The following FAM163A variants were observed in gnomAD, a reference collection of about 807,000 sequenced individuals.
FAM163A encodes protein FAM163A.
A neutral mutation model predicts 12.0 loss-of-function variants in FAM163A; 7 were observed. The ratio of observed to expected loss-of-function variants is 0.58; its 90% CI spans 0.33 to 1.10. The LOEUF is 1.10. FAM163A is among the 50% of genes least tolerant of loss of function. FAM163A has a pLI of 0.03. For synonymous variants in FAM163A, 101 were observed against 91.0 expected (o/e 1.11, Z -0.62); for missense variants, 202 against 218.6 (o/e 0.92, Z 0.48).
At chr1:179,752,572 A>C (rs903136437) in intron 1 of FAM163A, among the ~76,000 whole-genome samples, 11 of 152,184 alleles carry the variant, frequency 7.2e-5, no homozygotes, top group African/African-American at 2.4e-4. Flanking sequence ...GTTAATTTCC[A>C]AAATATATAA....
At position 179,816,077 on chromosome 1, in the gene FAM163A, G is replaced by C. The variant is rs1215253372; in HGVS notation, c.*1888G>C. 1 of 152,222 alleles carries C rather than the reference G, an allele frequency of 6.6e-6. No homozygotes were observed. Among genetic ancestry groups the C allele is most frequent in the Non-Finnish European group, 1.5e-5 (1 of 68,068 alleles). The allele number at this position is 152,222 out of a possible 1,614,324, so 9.4% of individuals were successfully genotyped here. ...TCCGAAAAAGATCTGCCGGCCCAGAGCACTCCCTCTTGCCCTAATCCTGGC... is the reference window on the plus strand; with the variant it reads ...TCCGAAAAAGATCTGCCGGCCCAGACCACTCCCTCTTGCCCTAATCCTGGC... On this transcript the variant is annotated 3_prime_UTR_variant, in exon 5 of 5. Coordinates refer to ENST00000341785, the MANE Select transcript of FAM163A (RefSeq NM_173509.3).
the FAM163A span, among the ~76,000 whole-genome samples, chr1:179,728,486 C>A: frequency 2.6e-5 from 4 of 152,192 alleles, 1 homozygote; most frequent in Middle Eastern, 0.01. Flanking sequence ...AGTAAGTGAT[C>A]TTTCTCCTTT....
chr1:179,734,411 C>CTT, the FAM163A span, among the ~76,000 whole-genome samples: 1 of 152,004 alleles, frequency 6.6e-6, no homozygotes, highest in African/African-American at 2.4e-5. Flanking sequence ...ACGAATACTC[C>CTT]TTTTTTTTAT....
chr1:179,756,773 A>G (rs888482260), intron 1 of FAM163A, among the ~76,000 whole-genome samples: 1 of 152,136 alleles, frequency 6.6e-6, no homozygotes. Context: ...CAGGGAGGGA[A>G]CAGGAAGTAA....
At chr1:179,773,348 C>T (rs562651385) in intron 1 of FAM163A, among the ~76,000 whole-genome samples, 1 of 152,078 alleles carries the variant, frequency 6.6e-6, no homozygotes, top group Admixed American at 6.5e-5. Context: ...TACACATGCA[C>T]AGATAAGCGT....
chr1:179,803,456 C>T (rs1248616467), intron 1 of FAM163A, among the ~76,000 whole-genome samples: 3 of 152,196 alleles, frequency 2.0e-5, no homozygotes, highest in Non-Finnish European at 4.4e-5. Flanking sequence ...CAGCAGAGAC[C>T]CCTGGTATCG....
At chr1:179,806,693 G>T (rs1031573086) in intron 1 of FAM163A, among the ~76,000 whole-genome samples, 14 of 152,326 alleles carry the variant, frequency 9.2e-5, no homozygotes, top group South Asian at 2.1e-4. Flanking sequence ...ACCCAGGGGG[G>T]GCCTTTCCTC....
intron 1 of FAM163A, among the ~76,000 whole-genome samples, chr1:179,782,375 GGGGACCAGAAGGGCCGGTCGGCA>G (rs776673549): frequency 5.3e-5 from 8 of 152,052 alleles, no homozygotes; most frequent in Non-Finnish European, 8.8e-5. Context: ...AAGGGGAGAA[GGGGACCAGAAGGGCCGGTCGGCA>G]GGGACACAGT....
At chr1:179,738,931 T>C (rs1232119630), upstream of FAM163A, among the ~76,000 whole-genome samples, 1 of 152,194 alleles carries the variant, frequency 6.6e-6, no homozygotes, top group African/African-American at 2.4e-5. Flanking sequence ...TTATATAGCT[T>C]CAGTAATCAA....
chr1:179,783,356 G>A (rs1690075485), intron 1 of FAM163A, among the ~76,000 whole-genome samples: 1 of 152,152 alleles, frequency 6.6e-6, no homozygotes, highest in Admixed American at 6.5e-5. Flanking sequence ...ATGACCTTAT[G>A]TTGATAACAT....
chr1:179,799,250 A>T (rs1274373269), intron 1 of FAM163A, among the ~76,000 whole-genome samples: 1 of 152,236 alleles, frequency 6.6e-6, no homozygotes, highest in Non-Finnish European at 1.5e-5. Context: ...CACCCTCTAA[A>T]CAATCAAGGA....
At chr1:179,772,400 G>T (rs78102854) in intron 1 of FAM163A, among the ~76,000 whole-genome samples, 3,443 of 152,230 alleles carry the variant, frequency 0.023, 139 homozygotes, top group African/African-American at 0.079. Flanking sequence ...TATGTCTCCA[G>T]ACCATTGTCT....
intron 1 of FAM163A, among the ~76,000 whole-genome samples, chr1:179,781,556 C>G (rs1346283225): frequency 6.6e-6 from 1 of 152,004 alleles, no homozygotes; most frequent in African/African-American, 2.4e-5. Context: ...GGCAAGTGTA[C>G]CTTTACTTGG....
intron 1 of FAM163A, among the ~76,000 whole-genome samples, chr1:179,762,335 G>A (rs1686934680): frequency 6.6e-6 from 1 of 152,068 alleles, no homozygotes; most frequent in Admixed American, 6.5e-5. Context: ...TTTTTCCAGG[G>A]CTGCAGAGAA....
At chr1:179,795,392 T>A (rs983333585) in intron 1 of FAM163A, among the ~76,000 whole-genome samples, 5 of 152,238 alleles carry the variant, frequency 3.3e-5, no homozygotes, top group Non-Finnish European at 7.3e-5. Context: ...AGGTAGGGTC[T>A]TTAAGAGGCC....
At position 179,813,928 on chromosome 1, in the gene FAM163A, C is replaced by T. The variant is rs752009207; in HGVS notation, c.243C>T (p.Ser81=). 1.1e-5 allele frequency: 18 copies of T among 1,613,662 alleles called. No homozygotes were observed. Among genetic ancestry groups the T allele is most frequent in the Non-Finnish European group, 1.4e-5 (16 of 1,180,016 alleles). Residue 81 remains serine, a synonymous_variant, in exon 5 of 5, where the codon AGC becomes AGT. Coordinates refer to ENST00000341785, the MANE Select transcript of FAM163A (RefSeq NM_173509.3). ...GAGGCAGCCTGGCGCCTCTCACCAG[C>T]GAGCCCTGCAGCCAGCCCTGTGGGG... The part of the protein sequence containing the change: ...DGRGSLAPLT[S]EPCSQPCGVA...
the FAM163A span, among the ~76,000 whole-genome samples, chr1:179,732,911 G>A: frequency 1.7e-5 from 2 of 119,392 alleles, no homozygotes; most frequent in African/African-American, 6.3e-5. Context: ...AAAAAAGATT[G>A]TTTACATGAT....
intron 1 of FAM163A, among the ~76,000 whole-genome samples, chr1:179,797,013 G>T (rs543626129): frequency 6.6e-6 from 1 of 152,322 alleles, no homozygotes; most frequent in East Asian, 1.9e-4. Flanking sequence ...CTCCACTTCT[G>T]GGGAAGAGTG....
chr1:179,784,054 C>T (rs1233704795), intron 1 of FAM163A, among the ~76,000 whole-genome samples: 3 of 152,024 alleles, frequency 2.0e-5, no homozygotes, highest in South Asian at 2.1e-4. Flanking sequence ...CCTCTGAGGC[C>T]ATCAAGAGTC....
Sources: gnomAD v4.1 joint callset for allele counts (sites outside exome capture counted in the v4.1 genomes callset) on GRCh38, gnomAD v4.1.1 for gene constraint, MANE v1.5 for transcripts, NCBI Gene and HGNC (gene_info 2026-07-23, HGNC 2026-07-21) for gene names.